The following KNDC1 variants were observed in gnomAD, a reference collection of about 807,000 sequenced individuals.
KNDC1 encodes kinase non-catalytic C-lobe domain containing 1.
KNDC1 carries 106 observed loss-of-function variants against 172.8 expected under a neutral mutation model. The ratio of observed to expected loss-of-function variants is 0.61; its 90% CI spans 0.52 to 0.72. KNDC1 has a LOEUF of 0.72. Among genes scored for constraint, KNDC1 ranks in the 30% least tolerant of loss-of-function variants. The pLI is 0.00. For missense variants in KNDC1, 2,325 were observed against 2,394.5 expected (o/e 0.97, Z 0.61); for synonymous variants, 1,083 against 1,062.2 (o/e 1.02, Z -0.38).
intron 9 of KNDC1, among the ~76,000 whole-genome samples, chr10:133,191,897 C>T (rs1035228305): frequency 3.3e-5 from 5 of 152,236 alleles, no homozygotes; most frequent in African/African-American, 1.2e-4. Context: ...CAGTGCCTGC[C>T]CTGGCCCCAG....
rs773918315 is a variant in KNDC1 at position 133,167,447 on chromosome 10, G to T, written c.169G>T (p.Ala57Ser). 6.2e-7 allele frequency: 1 copy of T among 1,606,242 alleles called. No individual in the cohort carries two copies. Among genetic ancestry groups the T allele is most frequent in the South Asian group, 1.1e-5 (1 of 89,200 alleles). ...DRGLSEQEAW[A>S]VCLECSLSMR... is the part of the protein sequence containing the mutation. Reference sequence around the variant, plus strand: ...CGGCCTCAGCGAGCAGGAAGCCTGGGCCGTGTGCCTGGAGTGCAGCCTGTC... The same window carrying T: ...CGGCCTCAGCGAGCAGGAAGCCTGGTCCGTGTGCCTGGAGTGCAGCCTGTC... Residue 57 changes from alanine (A) to serine (S), a missense_variant, in exon 2 of 30, where the codon GCC becomes TCC. Coordinates refer to ENST00000304613, the MANE Select transcript of KNDC1 (RefSeq NM_152643.8).
At chr10:133,221,592 C>T (rs1845589132) in intron 29 of KNDC1, among the ~76,000 whole-genome samples, 1 of 152,358 alleles carries the variant, frequency 6.6e-6, no homozygotes, top group Admixed American at 6.5e-5. Context: ...GCGGCTCCAC[C>T]CTCCCCCACG....
At chr10:133,169,708 ATGTGGCTGTGGCC>A (rs1404022561) in intron 3 of KNDC1, among the ~76,000 whole-genome samples, 29 of 152,152 alleles carry the variant, frequency 1.9e-4, no homozygotes, top group Non-Finnish European at 4.3e-4. Context: ...GGTGGCTGGG[ATGTGGCTGTGGCC>A]TGTGGCTGTG....
At chr10:133,166,343 A>G (rs1193979221) in intron 1 of KNDC1, among the ~76,000 whole-genome samples, 5 of 152,156 alleles carry the variant, frequency 3.3e-5, no homozygotes, top group African/African-American at 1.2e-4. Flanking sequence ...GGAGCAGCAC[A>G]CCCAAGAGGG....
chr10:133,177,661 C>T (rs1402659017), intron 3 of KNDC1, among the ~76,000 whole-genome samples: 1 of 151,688 alleles, frequency 6.6e-6, no homozygotes, highest in East Asian at 1.9e-4. Flanking sequence ...TGTGTACATG[C>T]ATGTGGTGTG....
In KNDC1 at chr10:133,209,562, G is replaced by A. The variant is rs1845312504; in HGVS notation, c.3795-1049G>A. On this transcript the variant is annotated intron_variant, in intron 20 of 29. Transcript: ENST00000304613. The surrounding 1 kb of genome is among the most constrained non-coding windows in gnomAD (Gnocchi z 4.9). ...TGCGCGTCTGGTTGTCGAGTTCTGT[G>A]TGGCTTTGTCCACGTGTGTGGCGTG... Among the ~76,000 whole-genome samples the A allele has an allele frequency of 6.6e-6, 1 of 151,730 alleles. No individual in the cohort carries two copies. The highest frequency in any genetic ancestry group is 2.1e-4 in the South Asian group (1 of 4,796).
At chr10:133,173,706 T>A (rs934246544) in intron 3 of KNDC1, among the ~76,000 whole-genome samples, 4 of 152,210 alleles carry the variant, frequency 2.6e-5, no homozygotes, top group Admixed American at 2.6e-4. Context: ...CGGGTCACTG[T>A]CTGGACAGCG....
At chr10:133,203,955 C>T (rs991380240) in intron 17 of KNDC1, among the ~76,000 whole-genome samples, 3 of 152,216 alleles carry the variant, frequency 2.0e-5, no homozygotes, top group African/African-American at 7.2e-5. Flanking sequence ...AGGCGGGCAT[C>T]GGGCTCGCAG....
Position 133,207,254 on chromosome 10 carries a change from A to G in KNDC1, c.3697A>G (p.Ile1233Val), listed in dbSNP as rs1845225070. ...FSPLDESSSL[I>V]FYNVNKHPGG... ...CCCCCTGGACGAGTCCTCCTCGCTC[A>G]TCTTCTACAACGTCAACAAGCACCC... The change falls in exon 20 of 30, where the codon ATC (isoleucine) becomes GTC (valine). Residue 1233 changes from isoleucine (I) to valine (V), a missense_variant. Physicochemically the swap from Ile to Val is conservative, Grantham distance 29. Coordinates refer to ENST00000304613, the MANE Select transcript of KNDC1 (RefSeq NM_152643.8). The G allele has an allele frequency of 6.2e-7, 1 of 1,613,118 alleles. No homozygotes were observed. The highest frequency in any genetic ancestry group is 8.5e-7 in the Non-Finnish European group (1 of 1,179,968).
At chr10:133,166,902 T>C (rs1230129184) in intron 1 of KNDC1, among the ~76,000 whole-genome samples, 1 of 152,168 alleles carries the variant, frequency 6.6e-6, no homozygotes, top group African/African-American at 2.4e-5. Flanking sequence ...GTGAATTGCC[T>C]GGAACAAATG....
chr10:133,171,638 G>C (rs1853380617), intron 3 of KNDC1, among the ~76,000 whole-genome samples: 2 of 151,860 alleles, frequency 1.3e-5, no homozygotes, highest in Non-Finnish European at 2.9e-5. Context: ...GAAATGCAAT[G>C]CACTTTTTTT....
Position 133,201,775 on chromosome 10 carries a change from C to A in KNDC1, c.3264C>A (p.Ser1088Arg). The A allele has an allele frequency of 6.4e-7, 1 of 1,552,434 alleles. No homozygotes were observed. Residue 1088 changes from serine to arginine, a missense_variant, in exon 17 of 30, where the codon AGC (serine) becomes AGA (arginine). Physicochemically the swap from Ser to Arg is moderately radical, Grantham distance 110 (BLOSUM62 -1). Transcript: ENST00000304613. Reference sequence around the variant, plus strand: ...CCCCCGGCCCAGCCGGATTCCAGAGCTGCAGCCCCGGCTGGTGCAGCGCCT... The same window carrying A: ...CCCCCGGCCCAGCCGGATTCCAGAGATGCAGCCCCGGCTGGTGCAGCGCCT... ...ALSPGPAGFQ[S>R]CSPGWCSAFY...
rs113368435 is a variant in KNDC1, at chr10:133,209,576, G to A, written c.3795-1035G>A. 0.012 allele frequency among the ~76,000 whole-genome samples: 1,806 copies of A among 151,948 alleles called. 45 individuals are homozygous for A. The highest frequency in any genetic ancestry group is 0.041 in the African/African-American group (1,710 of 41,398). ...TCGAGTTCTGTGTGGCTTTGTCCAC[G>A]TGTGTGGCGTGCGTGTCTGTGGTTG... On this transcript the variant is annotated intron_variant, in intron 20 of 29. Transcript: ENST00000304613. This position sits in a 1 kb window ranked among gnomAD's most constrained non-coding sequence, Gnocchi z 4.9.
chr10:133,181,126 G>C (rs1052204458), intron 3 of KNDC1, among the ~76,000 whole-genome samples: 2 of 151,576 alleles, frequency 1.3e-5, no homozygotes, highest in African/African-American at 4.8e-5. Context: ...CGCCACACGG[G>C]GCACCCACTG....
intron 2 of KNDC1, among the ~76,000 whole-genome samples, chr10:133,167,978 G>A (rs917771302): frequency 3.2e-4 from 48 of 152,354 alleles, no homozygotes; most frequent in African/African-American, 1.1e-3. Context: ...CCCACTGCGT[G>A]GCCCCTGCCC....
At chr10:133,187,730 C>T (rs970885114) in intron 6 of KNDC1, among the ~76,000 whole-genome samples, 7 of 152,212 alleles carry the variant, frequency 4.6e-5, no homozygotes, top group Admixed American at 3.9e-4. Flanking sequence ...CCAGGCTGAA[C>T]GCATGCCTGG....
At chr10:133,205,078 A>C (rs1845150332) in intron 17 of KNDC1, among the ~76,000 whole-genome samples, 1 of 101,438 alleles carries the variant, frequency 9.9e-6, no homozygotes, top group Non-Finnish European at 2.1e-5. Context: ...GTGCAGGAGG[A>C]GGCTGTATCT....
At chr10:133,185,518 G>A (rs1423535923) in intron 5 of KNDC1, among the ~76,000 whole-genome samples, 1 of 152,046 alleles carries the variant, frequency 6.6e-6, no homozygotes, top group Non-Finnish European at 1.5e-5. Flanking sequence ...TGTGAAGTAG[G>A]CAGAACAGAG....
rs910041735 is a variant in KNDC1 at position 133,213,732 on chromosome 10, G to C, written c.4526+5G>C. 1.2e-6 allele frequency: 2 copies of C among 1,613,608 alleles called. No homozygotes were observed. The highest frequency in any genetic ancestry group is 1.7e-6 in the Non-Finnish European group (2 of 1,179,736). On this transcript the variant is annotated splice_donor_5th_base_variant and intron_variant, in intron 25 of 29. Transcript: ENST00000304613. Reference sequence around the variant, plus strand: ...CAAGAGCACTGCCATCCCCAAGTGAGCGTCCGGGACCCTCAGCTGGGAGCG... The same window carrying C: ...CAAGAGCACTGCCATCCCCAAGTGACCGTCCGGGACCCTCAGCTGGGAGCG...
Sources: gnomAD v4.1 joint callset for allele counts (sites outside exome capture counted in the v4.1 genomes callset) on GRCh38, gnomAD v4.1.1 for gene constraint, Gnocchi (gnomAD v3.1) non-coding constraint, MANE v1.5 for transcripts, NCBI Gene and HGNC (gene_info 2026-07-23, HGNC 2026-07-21) for gene names.